BTBD9: variants seen among roughly 807,000 people sequenced by gnomAD.
BTBD9 encodes the protein BTB/POZ domain-containing protein 9.
Under a neutral mutation model 64.3 loss-of-function variants are expected in BTBD9, and 49 were observed. The observed-to-expected ratio is 0.76, with a 90% CI of 0.61 to 0.97. The LOEUF is 0.97. Among genes scored for constraint, BTBD9 ranks in the 50% least tolerant of loss-of-function variants. The pLI is 0.00. For synonymous variants in BTBD9, 260 were observed against 274.7 expected (o/e 0.95, Z 0.53); for missense variants, 598 against 762.1 (o/e 0.78, Z 2.53).
At chr6:38,571,696 CACCT>C (rs1775776172) in intron 6 of BTBD9, 1 of 152,242 alleles carries the variant, frequency 6.6e-6, no homozygotes, top group Non-Finnish European at 1.5e-5. Flanking sequence ...TGGTGTCTCA[CACCT>C]GTAATCCCAG....
At chr6:38,544,020 C>G (rs1368660316) in intron 6 of BTBD9, among the ~76,000 whole-genome samples, 1 of 150,872 alleles carries the variant, frequency 6.6e-6, no homozygotes, top group East Asian at 1.9e-4. Flanking sequence ...AGATGATAAA[C>G]AAAAGTTAGT....
At chr6:38,360,333 A>C (rs1247574182) in intron 6 of BTBD9, among the ~76,000 whole-genome samples, 1 of 152,180 alleles carries the variant, frequency 6.6e-6, no homozygotes, top group African/African-American at 2.4e-5. Flanking sequence ...GGTACTCAAA[A>C]ATGTTAAATA....
chr6:38,570,108 G>GC (rs1775694039), intron 6 of BTBD9, among the ~76,000 whole-genome samples: 1 of 152,088 alleles, frequency 6.6e-6, no homozygotes, highest in Non-Finnish European at 1.5e-5. Context: ...TCCCTTTGGA[G>GC]CATTTTAAAA....
rs115595402 is a variant in BTBD9, at chr6:38,636,283, C to A, written c.-28+3517G>T. Among the ~76,000 whole-genome samples, 549 of 152,282 alleles carry A rather than the reference C, an allele frequency of 3.6e-3. 4 individuals are homozygous for A. Among genetic ancestry groups the A allele is most frequent in the African/African-American group, 0.012 (508 of 41,562 alleles). ...CTAAGTTAACTACTATACTAACATG[C>A]CTCCTAGAAGGTTGCTACTCCCACA... On this transcript the variant is annotated intron_variant, in intron 1 of 10. Coordinates refer to ENST00000481247, the MANE Select transcript of BTBD9 (RefSeq NM_001099272.2).
chr6:38,196,413 A>C (rs1479075806), intron 9 of BTBD9, among the ~76,000 whole-genome samples: 1 of 152,232 alleles, frequency 6.6e-6, no homozygotes, highest in Non-Finnish European at 1.5e-5. Context: ...TACCACTATA[A>C]TTACATTCAG....
chr6:38,448,220 G>C (rs959482699), intron 6 of BTBD9, among the ~76,000 whole-genome samples: 16 of 152,172 alleles, frequency 1.1e-4, no homozygotes, highest in African/African-American at 3.9e-4. Context: ...CCTGGAATGA[G>C]GGGAAAGCAC....
At chr6:38,462,560 C>T (rs1770148326) in intron 6 of BTBD9, among the ~76,000 whole-genome samples, 1 of 152,126 alleles carries the variant, frequency 6.6e-6, no homozygotes, top group South Asian at 2.1e-4. Flanking sequence ...ATCTTAAAGT[C>T]AGGTAAACGT....
intron 6 of BTBD9, among the ~76,000 whole-genome samples, chr6:38,413,549 C>T (rs879631466): frequency 2.0e-5 from 3 of 152,170 alleles, no homozygotes; most frequent in Non-Finnish European, 4.4e-5. Context: ...AATTAATCAT[C>T]TAGATTGCTC....
chr6:38,613,036 G>C (rs1224639165), intron 1 of BTBD9: 3 of 152,168 alleles, frequency 2.0e-5, no homozygotes, highest in African/African-American at 7.2e-5. Context: ...GAGACGAGCT[G>C]TAAGTGTAAA....
chr6:38,547,452 A>G (rs1422599161), intron 6 of BTBD9, among the ~76,000 whole-genome samples: 1 of 152,054 alleles, frequency 6.6e-6, no homozygotes, highest in African/African-American at 2.4e-5. Context: ...TAAAATAAAT[A>G]TAAACCTGCT....
intron 8 of BTBD9, among the ~76,000 whole-genome samples, chr6:38,278,495 C>T (rs2127549148): frequency 6.6e-6 from 1 of 152,292 alleles, no homozygotes; most frequent in Non-Finnish European, 1.5e-5. Context: ...GATGTGATGG[C>T]TCCTTTCATT....
intron 8 of BTBD9, among the ~76,000 whole-genome samples, chr6:38,284,451 C>A (rs559387431): frequency 2.0e-5 from 3 of 152,150 alleles, no homozygotes; most frequent in Non-Finnish European, 4.4e-5. Flanking sequence ...GCCAAGGTGG[C>A]CTTGCCACAT....
intron 4 of BTBD9, chr6:38,588,094 T>C (rs552853393): frequency 5.5e-6 from 4 of 733,404 alleles, no homozygotes; most frequent in Non-Finnish European, 1.0e-5. Flanking sequence ...AGGCTAGCTA[T>C]GGTGCACCGT....
intron 9 of BTBD9, among the ~76,000 whole-genome samples, chr6:38,201,593 G>C (rs915985553): frequency 5.9e-5 from 9 of 152,104 alleles, no homozygotes; most frequent in African/African-American, 2.2e-4. Context: ...TCATAGGCAG[G>C]GCAATCAAGC....
intron 2 of BTBD9, among the ~76,000 whole-genome samples, chr6:38,594,886 C>T (rs1274269712): frequency 6.6e-6 from 1 of 152,148 alleles, no homozygotes; most frequent in Non-Finnish European, 1.5e-5. Flanking sequence ...GCATACCCTT[C>T]AACTCAGTAA....
chr6:38,561,108 T>C (rs967715330), intron 6 of BTBD9, among the ~76,000 whole-genome samples: 1 of 152,176 alleles, frequency 6.6e-6, no homozygotes, highest in Non-Finnish European at 1.5e-5. Context: ...AGTAATGGGA[T>C]TGCTGGGTCA....
chr6:38,618,316 C>T (rs1237624880), intron 1 of BTBD9, among the ~76,000 whole-genome samples: 5 of 152,216 alleles, frequency 3.3e-5, no homozygotes, highest in African/African-American at 1.2e-4. Context: ...GTATAAATTA[C>T]AGTACTATCC....
chr6:38,481,085 T>A (rs1010997743), intron 6 of BTBD9, among the ~76,000 whole-genome samples: 12 of 152,216 alleles, frequency 7.9e-5, no homozygotes, highest in Non-Finnish European at 1.8e-4. Context: ...ACAATGGAAA[T>A]CCCATTGAGT....
chr6:38,418,407 C>T (rs1198586576), intron 6 of BTBD9, among the ~76,000 whole-genome samples: 1 of 152,196 alleles, frequency 6.6e-6, no homozygotes, highest in African/African-American at 2.4e-5. Flanking sequence ...CACTTCCACT[C>T]TGCTCCTCCC....
Sources: gnomAD v4.1 joint callset for allele counts (sites outside exome capture counted in the v4.1 genomes callset) on GRCh38, gnomAD v4.1.1 for gene constraint, MANE v1.5 for transcripts, NCBI Gene and HGNC (gene_info 2026-07-23, HGNC 2026-07-21) for gene names.